TRAF2: variants seen among roughly 807,000 people sequenced by gnomAD.
The protein encoded by TRAF2 is TNF receptor-associated factor 2.
Under a neutral mutation model 55.6 loss-of-function variants are expected in TRAF2, and 6 were observed. The observed-to-expected ratio is 0.11, with a 90% confidence interval of 0.06 to 0.21. The LOEUF (loss-of-function observed/expected upper bound fraction) is 0.21. Among genes scored for constraint, TRAF2 ranks in the 10% least tolerant of loss-of-function variants. TRAF2 has a pLI of 1.00. For missense variants in TRAF2, 561 were observed against 684.5 expected (o/e 0.82, Z 2.01); for synonymous variants, 329 against 276.3 (o/e 1.19, Z -1.89).
chr9:136,896,459 C>T (rs1849681773), intron 1 of TRAF2, among the ~76,000 whole-genome samples: 1 of 152,192 alleles, frequency 6.6e-6, no homozygotes. Context: ...TGGGAAGCTC[C>T]ATGTTTGCTG....
chr9:136,906,787 G>T (rs1005847356), intron 4 of TRAF2, among the ~76,000 whole-genome samples: 3 of 152,224 alleles, frequency 2.0e-5, no homozygotes, highest in South Asian at 2.1e-4. Flanking sequence ...TAAGCGGCAC[G>T]TTCAGTCTGC....
rs1564408343 is a variant in TRAF2 at position 136,899,588 on chromosome 9, CA to C, written c.189-5del. On this transcript the variant is annotated splice_region_variant and splice_polypyrimidine_tract_variant and intron_variant, in intron 2 of 10. Transcript: ENST00000247668. ...TGGGTTGTTTTTTGCCTTTTTTCCC[CA>C]CTAGCTCTGGGCCTCAGAACTGTGC... 2.5e-6 allele frequency: 4 copies of C among 1,603,520 alleles called. No individual in the cohort carries two copies. In the East Asian group the frequency reaches 6.7e-5, roughly 27 times the overall value.
At chr9:136,923,085 G>C (rs1240411902) in intron 9 of TRAF2, among the ~76,000 whole-genome samples, 4 of 152,168 alleles carry the variant, frequency 2.6e-5, no homozygotes, top group Non-Finnish European at 5.9e-5. Flanking sequence ...GGTTCTGGCT[G>C]TCACTCACGT....
At chr9:136,921,649 C>T (rs943672837) in intron 9 of TRAF2, among the ~76,000 whole-genome samples, 2 of 151,524 alleles carry the variant, frequency 1.3e-5, no homozygotes, top group Non-Finnish European at 2.9e-5. Flanking sequence ...CTCCCAGGTT[C>T]ATTTTCCACA....
intron 7 of TRAF2, among the ~76,000 whole-genome samples, chr9:136,917,452 C>T (rs1850269417): frequency 6.6e-6 from 1 of 152,330 alleles, no homozygotes; most frequent in African/African-American, 2.4e-5. Flanking sequence ...GCCAGCACCT[C>T]GTGTCTTTGT....
At chr9:136,903,745 G>C (rs541432942) in intron 4 of TRAF2, among the ~76,000 whole-genome samples, 28 of 152,070 alleles carry the variant, frequency 1.8e-4, no homozygotes, top group African/African-American at 5.8e-4. Context: ...GCAGTGGTGC[G>C]ATCTCGGCTC....
chr9:136,923,767 C>G, intron 9 of TRAF2, 85 bp from the exon 10 acceptor site: 3 of 1,463,496 alleles, frequency 2.0e-6, no homozygotes, highest in Non-Finnish European at 2.8e-6. Context: ...TGTTTTTGTC[C>G]CTGGGGGAGG....
intron 1 of TRAF2, among the ~76,000 whole-genome samples, chr9:136,892,842 C>T (rs1262531360): frequency 6.6e-6 from 1 of 152,172 alleles, no homozygotes; most frequent in Non-Finnish European, 1.5e-5. Flanking sequence ...CACCGTTGCA[C>T]TCCCGCCTGA....
chr9:136,917,742 C>G (rs1458418978), intron 7 of TRAF2, among the ~76,000 whole-genome samples: 1 of 152,176 alleles, frequency 6.6e-6, no homozygotes, highest in South Asian at 2.1e-4. Flanking sequence ...AGGAGCGTGG[C>G]TGCTTCCATT....
At chr9:136,886,848 G>T (rs988767048) in intron 1 of TRAF2, 2 of 155,418 alleles carry the variant, frequency 1.3e-5, no homozygotes, top group Non-Finnish European at 2.8e-5. Flanking sequence ...TCCCAGTACC[G>T]CCTGAGGCCC....
At position 136,900,752 on chromosome 9, in the gene TRAF2, G is replaced by A. The variant is rs773598114; in HGVS notation, c.366+232G>A. The A allele has an allele frequency of 1.4e-4, 73 of 533,660 alleles. 2 individuals carry two copies. The highest frequency in any genetic ancestry group is 1.2e-3 in the South Asian group (62 of 51,864). The allele number at this position is 533,660 out of a possible 1,614,324, so 33.1% of individuals were successfully genotyped here. A position where few individuals can be genotyped will look rare whatever the true frequency, so the allele number is the denominator to read the frequency against. ...GAGCTTGGGCTGTGTGACCTCGGGC[G>A]AGGTATTTACCCTCTCTGTGCCTCA... On this transcript the variant is annotated intron_variant, in intron 4 of 10. Coordinates refer to ENST00000247668, the MANE Select transcript of TRAF2 (RefSeq NM_021138.4).
intron 4 of TRAF2, among the ~76,000 whole-genome samples, 172 bp from the exon 5 acceptor site, chr9:136,907,898 C>T (rs1249790858): frequency 2.0e-5 from 3 of 151,906 alleles, no homozygotes; most frequent in South Asian, 2.1e-4. Flanking sequence ...GATCTGATCT[C>T]CTCCTGCCCT....
At chr9:136,883,469 T>A (rs1413791623), upstream of TRAF2, among the ~76,000 whole-genome samples, 1 of 152,186 alleles carries the variant, frequency 6.6e-6, no homozygotes, top group East Asian at 1.9e-4. Flanking sequence ...GCTGTTAGAA[T>A]GACTTTCCCG....
At chr9:136,914,897 A>AT (rs1491181153) in intron 6 of TRAF2, among the ~76,000 whole-genome samples, 4 of 151,910 alleles carry the variant, frequency 2.6e-5, no homozygotes, top group Non-Finnish European at 5.9e-5. Context: ...AAAAAAAAAA[A>AT]GGCCGGGTGC....
chr9:136,886,590 CG>C, intron 1 of TRAF2, 49 bp downstream of exon 1: 1 of 932,588 alleles, frequency 1.1e-6, no homozygotes, highest in Non-Finnish European at 1.3e-6. Flanking sequence ...GGCGCGGGGT[CG>C]GGTGCGGGGT....
At chr9:136,899,474 A>G in intron 2 of TRAF2, 120 bp from the exon 3 acceptor site, 4 of 820,100 alleles carry the variant, frequency 4.9e-6, no homozygotes, top group Non-Finnish European at 5.8e-6. Context: ...TGTTGGTTTC[A>G]CTAAGGATGA....
chr9:136,916,992 C>T (rs1029415082), intron 7 of TRAF2, among the ~76,000 whole-genome samples: 1 of 152,202 alleles, frequency 6.6e-6, no homozygotes, highest in South Asian at 2.1e-4. Context: ...AAGGGCAGCA[C>T]TCTAACCCAG....
chr9:136,926,283 C>A lies in TRAF2; in HGVS notation c.*382C>A. On this transcript the variant is annotated 3_prime_UTR_variant, in exon 11 of 11. Transcript: ENST00000247668. ...CATGTAGCAGGAGCACAGTGGATGG[C>A]CTTGTGTCCCTCGGGCATGACAGGC... 1 of 369,834 alleles carries A rather than the reference C, an allele frequency of 2.7e-6. No homozygotes were observed. Among genetic ancestry groups the A allele is most frequent in the Non-Finnish European group, 5.3e-6 (1 of 189,514 alleles). 22.9% of individuals were successfully genotyped at this position (369,834 alleles called of 1,614,324 possible).
rs748178503 is a variant in TRAF2 at position 136,921,110 on chromosome 9, A to T, written c.1033A>T (p.Met345Leu). The change falls in exon 9 of 11, where the codon ATG (methionine) becomes TTG (leucine). Residue 345 changes from methionine to leucine, a missense_variant. Met to Leu is a conservative substitution (Grantham distance 15). Around this residue, in one of 2 missense-constraint regions of TRAF2, gnomAD observed 426 missense variants for 476.8 expected, o/e 0.89. Transcript: ENST00000247668. ...TGACTTGGAGCAGAAGGTCTTGGAGATGGAGGCATCCACCTACGATGGGGT... is the reference window on the plus strand; with the variant it reads ...TGACTTGGAGCAGAAGGTCTTGGAGTTGGAGGCATCCACCTACGATGGGGT... ...MADLEQKVLEMEASTYDGVFI... is the reference protein window; with the variant it reads ...MADLEQKVLELEASTYDGVFI... The T allele has an allele frequency of 3.7e-6, 6 of 1,613,934 alleles. No individual in the cohort carries two copies. The highest frequency in any genetic ancestry group is 3.3e-5 in the Admixed American group (2 of 60,006).
Sources: allele counts gnomAD v4.1 joint callset (sites outside exome capture counted in the v4.1 genomes callset), GRCh38; gene constraint gnomAD v4.1.1; regional missense constraint gnomAD v4.1.1; transcripts MANE v1.5; gene names NCBI Gene and HGNC (gene_info 2026-07-23, HGNC 2026-07-21).